ASIC2: variants seen among roughly 807,000 people sequenced by gnomAD.
The protein encoded by ASIC2 is acid-sensing ion channel 2.
ASIC2 carries 25 observed loss-of-function variants against 57.3 expected under a neutral mutation model. The observed-to-expected ratio is 0.44, with a 90% CI of 0.32 to 0.61. The LOEUF (loss-of-function observed/expected upper bound fraction) is 0.61. Among genes scored for constraint, ASIC2 ranks in the 20% least tolerant of loss-of-function variants. The pLI is 0.06. For synonymous variants in ASIC2, 319 were observed against 307.5 expected, an observed-to-expected ratio of 1.04 and a Z score of -0.39; for missense variants, 641 against 738.1, an observed-to-expected ratio of 0.87 and a Z score of 1.52.
At chr17:33,181,965 C>A (rs1906001363) in intron 1 of ASIC2, among the ~76,000 whole-genome samples, 2 of 152,128 alleles carry the variant, frequency 1.3e-5, no homozygotes, top group South Asian at 2.1e-4. Context: ...TCGTGTAGAA[C>A]CCTGCAGTGA....
intron 1 of ASIC2, among the ~76,000 whole-genome samples, chr17:33,170,350 A>C (rs72819129): frequency 0.018 from 2,762 of 152,322 alleles, 56 homozygotes; most frequent in Non-Finnish European, 0.023. Flanking sequence ...AATTCCCTTC[A>C]AATAGGAAAT....
At chr17:33,312,561 A>G (rs1490899531) in intron 1 of ASIC2, among the ~76,000 whole-genome samples, 1 of 152,228 alleles carries the variant, frequency 6.6e-6, no homozygotes, top group African/African-American at 2.4e-5. Flanking sequence ...GCTATGAGTA[A>G]GAAGAGGGAT....
intron 1 of ASIC2, among the ~76,000 whole-genome samples, chr17:33,323,007 A>G (rs1408189278): frequency 3.9e-5 from 6 of 152,234 alleles, no homozygotes; most frequent in African/African-American, 7.2e-5. Flanking sequence ...TATCTCTTAT[A>G]CTTTCTGAAC....
chr17:33,022,417 T>C (rs2091840060), intron 6 of ASIC2, among the ~76,000 whole-genome samples: 1 of 152,186 alleles, frequency 6.6e-6, no homozygotes, highest in Non-Finnish European at 1.5e-5. Context: ...ACAGCATTCG[T>C]CCTATTGGGG....
At chr17:34,110,277 C>G (rs1234651522) in intron 1 of ASIC2, among the ~76,000 whole-genome samples, 1 of 152,192 alleles carries the variant, frequency 6.6e-6, no homozygotes, top group Non-Finnish European at 1.5e-5. Context: ...ACTTTTTTCT[C>G]TCTTTCTGGA....
At chr17:33,371,786 A>G (rs1408283862) in intron 1 of ASIC2, among the ~76,000 whole-genome samples, 2 of 152,200 alleles carry the variant, frequency 1.3e-5, no homozygotes, top group African/African-American at 2.4e-5. Context: ...AATGAGGTCT[A>G]CTGGGACTCT....
intron 1 of ASIC2, among the ~76,000 whole-genome samples, chr17:33,275,919 T>C (rs1904685047): frequency 6.6e-6 from 1 of 152,146 alleles, no homozygotes; most frequent in East Asian, 1.9e-4. Context: ...GGGGTGACAG[T>C]TGAGATTACC....
At position 33,611,360 on chromosome 17, in the gene ASIC2, C is replaced by T. The variant is rs1319456569; in HGVS notation, c.556-499293G>A. ...TCCCCTCTCTGGAATCCAGATTGCT[C>T]ATCTGTAAGATGGCCTTCAATAACC... On this transcript the variant is annotated intron_variant, in intron 1 of 9. Coordinates refer to the ASIC2 transcript ENST00000359872. 2.0e-4 allele frequency among the ~76,000 whole-genome samples: 30 copies of T among 152,320 alleles called. 1 individual carries two copies. The highest frequency in any genetic ancestry group is 1.9e-3 in the Admixed American group (29 of 15,304).
At chr17:33,217,611 A>G (rs1196887587) in intron 1 of ASIC2, among the ~76,000 whole-genome samples, 3 of 152,164 alleles carry the variant, frequency 2.0e-5, no homozygotes, top group African/African-American at 7.2e-5. Context: ...AAACCAAAGA[A>G]AGGAACTGAC....
chr17:34,053,791 G>A (rs1908658025), intron 1 of ASIC2, among the ~76,000 whole-genome samples: 1 of 152,208 alleles, frequency 6.6e-6, no homozygotes, highest in African/African-American at 2.4e-5. Flanking sequence ...TGCAGGTACT[G>A]GCATTTGGAA....
intron 1 of ASIC2, chr17:33,833,905 A>G (rs952946873): frequency 5.3e-5 from 8 of 152,138 alleles, no homozygotes; most frequent in African/African-American, 1.9e-4. Context: ...AAATGATAAT[A>G]AAAAACAATT....
intron 1 of ASIC2, among the ~76,000 whole-genome samples, chr17:33,183,552 G>A (rs2142061065): frequency 6.6e-6 from 1 of 152,320 alleles, no homozygotes; most frequent in East Asian, 1.9e-4. Flanking sequence ...CTTACTCGCT[G>A]AGACTCAAAG....
chr17:33,231,424 T>C (rs1463748499), intron 1 of ASIC2, among the ~76,000 whole-genome samples: 3 of 152,108 alleles, frequency 2.0e-5, no homozygotes, highest in Non-Finnish European at 4.4e-5. Flanking sequence ...CAGAGGTGCA[T>C]GGCTGGATGG....
intron 1 of ASIC2, among the ~76,000 whole-genome samples, chr17:33,117,276 G>A (rs550338672): frequency 8.5e-5 from 13 of 152,092 alleles, no homozygotes; most frequent in Middle Eastern, 3.4e-3. Context: ...GGGGTCGAGC[G>A]ATTCTCTTGC....
At chr17:34,030,792 G>A (rs1197894668) in intron 1 of ASIC2, among the ~76,000 whole-genome samples, 1 of 152,220 alleles carries the variant, frequency 6.6e-6, no homozygotes, top group Non-Finnish European at 1.5e-5. Flanking sequence ...CTGCAAGGCA[G>A]CAGAGAGGCT....
chr17:33,400,469 G>A (rs1910242373), intron 1 of ASIC2, among the ~76,000 whole-genome samples: 1 of 152,108 alleles, frequency 6.6e-6, no homozygotes, highest in African/African-American at 2.4e-5. Context: ...AATGTTGGCT[G>A]GAGTAGATTT....
chr17:33,126,916 G>A (rs1489830512), intron 1 of ASIC2, among the ~76,000 whole-genome samples: 1 of 126,250 alleles, frequency 7.9e-6, no homozygotes, highest in Admixed American at 8.8e-5. Context: ...GCGGGACTGC[G>A]GACTGCAGTG....
intron 1 of ASIC2, among the ~76,000 whole-genome samples, chr17:33,300,781 T>C (rs7215750): frequency 0.27 from 41,079 of 152,000 alleles, 5,868 homozygotes; most frequent in Middle Eastern, 0.38. Flanking sequence ...GGGTAAAACA[T>C]AACAGGGAGA....
In ASIC2 at chr17:34,013,978, G is replaced by A. The variant is rs145234074; in HGVS notation, c.555+142000C>T. Among the ~76,000 whole-genome samples, 18 of 152,246 alleles carry A rather than the reference G, an allele frequency of 1.2e-4. No homozygotes were observed. In the East Asian group the frequency reaches 2.3e-3, roughly 20 times the overall value. On this transcript the variant is annotated intron_variant, in intron 1 of 9. Transcript: ENST00000359872. ...AAGCAGGGAGTCTGCCAGTCTATCC[G>A]GCTAAGAGACCTTAGGATAGCCAGC...
Sources: gnomAD v4.1 joint callset for allele counts (sites outside exome capture counted in the v4.1 genomes callset) on GRCh38, gnomAD v4.1.1 for gene constraint, MANE v1.5 for transcripts, NCBI Gene and HGNC (gene_info 2026-07-23, HGNC 2026-07-21) for gene names.